HTR1E: variants seen among roughly 807,000 people sequenced by gnomAD.
HTR1E encodes 5-HT-1E.
In HTR1E, 3 loss-of-function variants were observed where a neutral mutation model predicts 3.4. The observed-to-expected ratio is 0.89, with a 90% CI of 0.41 to 2.31. The LOEUF is 2.31. Among genes scored for constraint, HTR1E ranks in the 30% most tolerant of loss-of-function variants. HTR1E has a pLI of 0.05. For missense variants in HTR1E, 392 were observed against 467.0 expected (o/e 0.84, Z 1.48); for synonymous variants, 170 against 182.8 (o/e 0.93, Z 0.56).
intron 1 of HTR1E, among the ~76,000 whole-genome samples, chr6:87,002,440 C>T (rs963226900): frequency 1.3e-5 from 2 of 152,242 alleles, no homozygotes; most frequent in African/African-American, 2.4e-5. Flanking sequence ...ACTGCTGGCT[C>T]GGGTGGCCAG....
At chr6:86,967,292 A>G (rs981552239) in intron 1 of HTR1E, among the ~76,000 whole-genome samples, 4 of 152,202 alleles carry the variant, frequency 2.6e-5, no homozygotes, top group Non-Finnish European at 4.4e-5. Context: ...AGACATTTCA[A>G]AAGGGCACCA....
intron 1 of HTR1E, among the ~76,000 whole-genome samples, chr6:86,977,304 G>A (rs931477446): frequency 2.0e-5 from 3 of 152,124 alleles, no homozygotes; most frequent in African/African-American, 7.2e-5. Flanking sequence ...TTATGTTCCT[G>A]CATTAATTTG....
chr6:87,010,726 C>T (rs1375505226), intron 1 of HTR1E, among the ~76,000 whole-genome samples: 1 of 149,510 alleles, frequency 6.7e-6, no homozygotes, highest in Admixed American at 6.6e-5. Context: ...CAGAGACACT[C>T]CTCACTTCCC....
intron 1 of HTR1E, among the ~76,000 whole-genome samples, chr6:86,953,398 T>C (rs1324971449): frequency 6.6e-6 from 1 of 152,194 alleles, no homozygotes; most frequent in African/African-American, 2.4e-5. Flanking sequence ...GCTGAGATTT[T>C]TCCTGCCTCT....
intron 1 of HTR1E, among the ~76,000 whole-genome samples, chr6:86,944,959 G>A (rs529377538): frequency 6.6e-6 from 1 of 151,948 alleles, no homozygotes; most frequent in South Asian, 2.1e-4. Context: ...AACTGTTACT[G>A]GTTTATACAT....
chr6:86,988,509 C>A (rs1052949583), intron 1 of HTR1E, among the ~76,000 whole-genome samples: 3 of 152,048 alleles, frequency 2.0e-5, no homozygotes, highest in Non-Finnish European at 2.9e-5. Flanking sequence ...TGCAGAGGGC[C>A]GGATGACTCT....
At chr6:87,011,289 A>G (rs1387809195) in intron 1 of HTR1E, among the ~76,000 whole-genome samples, 1 of 152,220 alleles carries the variant, frequency 6.6e-6, no homozygotes, top group East Asian at 1.9e-4. Flanking sequence ...ATGACTTATC[A>G]AAGGGAAGTG....
rs1234119502 is a variant in HTR1E, at chr6:86,946,643, G to A, written c.-186+8820G>A. Among the ~76,000 whole-genome samples the A allele has an allele frequency of 2.0e-5, 3 of 152,176 alleles. No homozygotes were observed. In the East Asian group the frequency reaches 5.8e-4, roughly 29 times the overall value. ...AGCTTCTACTCCATGGTCCTTTGAG[G>A]ACAACTGAAGTAACTAGATATGATT... On this transcript the variant is annotated intron_variant, in intron 1 of 1. Coordinates refer to ENST00000305344, the MANE Select transcript of HTR1E (RefSeq NM_000865.3).
intron 1 of HTR1E, among the ~76,000 whole-genome samples, chr6:86,973,708 A>AC (rs1336031464): frequency 4.6e-5 from 7 of 152,208 alleles, no homozygotes; most frequent in African/African-American, 7.2e-5. Flanking sequence ...AAGAGACCGC[A>AC]CAGGTGCAGC....
intron 1 of HTR1E, among the ~76,000 whole-genome samples, chr6:86,986,211 C>T (rs906400635): frequency 2.6e-5 from 4 of 152,128 alleles, no homozygotes; most frequent in African/African-American, 9.7e-5. Context: ...TTACTATTTC[C>T]AATATCTGGA....
At chr6:86,951,673 ATT>A (rs1767242250) in intron 1 of HTR1E, among the ~76,000 whole-genome samples, 2 of 152,330 alleles carry the variant, frequency 1.3e-5, no homozygotes, top group South Asian at 2.1e-4. Context: ...ATTTATACTC[ATT>A]TTTGAAAACT....
chr6:86,965,194 C>A (rs1418595576), intron 1 of HTR1E, among the ~76,000 whole-genome samples: 1 of 152,206 alleles, frequency 6.6e-6, no homozygotes, highest in Non-Finnish European at 1.5e-5. Flanking sequence ...CCTGGGCATG[C>A]TCACTGCTCC....
intron 1 of HTR1E, among the ~76,000 whole-genome samples, chr6:86,986,370 G>A (rs1269660051): frequency 1.3e-5 from 2 of 152,130 alleles, no homozygotes; most frequent in Non-Finnish European, 2.9e-5. Context: ...TACTCATGGT[G>A]TTTGAAAGAA....
intron 1 of HTR1E, among the ~76,000 whole-genome samples, chr6:87,005,966 G>A (rs1367982375): frequency 1.3e-5 from 2 of 152,098 alleles, no homozygotes; most frequent in Non-Finnish European, 1.5e-5. Context: ...CATAAAAATG[G>A]TATATGAAAA....
chr6:86,967,771 G>C (rs868711168), intron 1 of HTR1E, among the ~76,000 whole-genome samples: 81 of 152,202 alleles, frequency 5.3e-4, no homozygotes, highest in African/African-American at 1.8e-3. Context: ...ATTACGAAGT[G>C]TTTTATAAAC....
At chr6:86,962,777 G>A (rs1321956673) in intron 1 of HTR1E, among the ~76,000 whole-genome samples, 3 of 152,180 alleles carry the variant, frequency 2.0e-5, no homozygotes, top group Non-Finnish European at 4.4e-5. Context: ...GGCAGAGATT[G>A]CAGTGAACCA....
intron 1 of HTR1E, among the ~76,000 whole-genome samples, chr6:86,942,252 A>G (rs553225586): frequency 6.6e-6 from 1 of 152,350 alleles, no homozygotes; most frequent in African/African-American, 2.4e-5. Flanking sequence ...CTCTGAATTC[A>G]GTAATATTTA....
rs1768329766 is a variant in HTR1E at position 87,016,515 on chromosome 6, A to G, written c.*83A>G. ...AGGGGTGCAACTTATTAATTCTTGA[A>G]CATACTTGGTTCAGGAGAGTTTGTA... On this transcript the variant is annotated 3_prime_UTR_variant, in exon 2 of 2. Transcript: ENST00000305344. The G allele has an allele frequency of 8.5e-7, 1 of 1,178,214 alleles. No individual in the cohort carries two copies. The highest frequency in any genetic ancestry group is 2.4e-4 in the Middle Eastern group (1 of 4,124). The allele number at this position is 1,178,214 out of a possible 1,614,324, so 73.0% of individuals were successfully genotyped here.
At position 86,948,867 on chromosome 6, in the gene HTR1E, T is replaced by C. The variant is rs113940331; in HGVS notation, c.-186+11044T>C. ...AGATTTAAGGATACATGCCAGGAAC[T>C]GCAGGGACCCAACATAAGGGGAGTG... On this transcript the variant is annotated intron_variant, in intron 1 of 1. Transcript: ENST00000305344. Among the ~76,000 whole-genome samples the C allele has an allele frequency of 1.9e-3, 282 of 152,274 alleles. 1 individual carries two copies. The highest frequency in any genetic ancestry group is 6.5e-3 in the African/African-American group (271 of 41,558).
Sources: allele counts gnomAD v4.1 joint callset (sites outside exome capture counted in the v4.1 genomes callset), GRCh38; gene constraint gnomAD v4.1.1; transcripts MANE v1.5; gene names NCBI Gene and HGNC (gene_info 2026-07-23, HGNC 2026-07-21).